CACNA1E: variants seen among roughly 807,000 people sequenced by gnomAD.
CACNA1E encodes voltage-dependent R-type calcium channel subunit alpha-1E.
Under a neutral mutation model 259.2 loss-of-function variants are expected in CACNA1E, and 40 were observed. That is an observed-to-expected ratio of 0.15 (90% CI 0.12 to 0.20). The LOEUF is 0.20. CACNA1E is among the 10% of genes least tolerant of loss of function. The pLI, the probability that CACNA1E is intolerant of heterozygous loss-of-function variation, is 1.00. For missense variants in CACNA1E, 1,874 were observed against 3,040.1 expected (o/e 0.62, Z 9.02); for synonymous variants, 1,104 against 1,138.5 (o/e 0.97, Z 0.61).
intron 2 of CACNA1E, among the ~76,000 whole-genome samples, chr1:181,452,661 T>C (rs1205140355): frequency 1.3e-5 from 2 of 152,344 alleles, no homozygotes; most frequent in Admixed American, 6.5e-5. Context: ...ACCTACTCTA[T>C]GCTGTCTTCA....
intron 2 of CACNA1E, among the ~76,000 whole-genome samples, chr1:181,440,913 C>T (rs777323294): frequency 2.2e-5 from 3 of 137,938 alleles, no homozygotes; most frequent in Middle Eastern, 3.8e-3. Flanking sequence ...CCTGGGAGGT[C>T]GAGGCTGCAG....
At chr1:181,520,659 A>G (rs544816429) in intron 3 of CACNA1E, among the ~76,000 whole-genome samples, 46 of 152,342 alleles carry the variant, frequency 3.0e-4, no homozygotes, top group African/African-American at 9.6e-4. Flanking sequence ...CATATCGCAC[A>G]TAGGATGTAT....
rs749655730 is a variant in CACNA1E, at chr1:181,756,955, G to T, written c.4158G>T (p.Glu1386Asp). The T allele has an allele frequency of 1.9e-6, 3 of 1,613,774 alleles. No individual in the cohort carries two copies. The highest frequency in any genetic ancestry group is 2.5e-6 in the Non-Finnish European group (3 of 1,179,656). The part of the protein sequence containing the change: ...QVLQHSVDVT[E>D]EDRGPSRSNR... Reference sequence around the variant, plus strand: ...TGCAGCACTCTGTAGATGTGACAGAGGAAGACCGAGGCCCAAGCCGCAGCA... The same window carrying T: ...TGCAGCACTCTGTAGATGTGACAGATGAAGACCGAGGCCCAAGCCGCAGCA... Residue 1386 changes from glutamate (E) to aspartate (D), a missense_variant, in exon 30 of 48, where the codon GAG becomes GAT. Glu to Asp is a conservative substitution (Grantham distance 45). This residue lies in a region of CACNA1E where 188 missense variants were observed against 540.6 expected (regional missense o/e 0.35). Coordinates refer to ENST00000367573, the MANE Select transcript of CACNA1E (RefSeq NM_001205293.3).
chr1:181,775,888 T>C (rs775188170), intron 37 of CACNA1E, among the ~76,000 whole-genome samples: 6 of 152,206 alleles, frequency 3.9e-5, no homozygotes, highest in Non-Finnish European at 8.8e-5. Context: ...GTCTACACTC[T>C]TTAGCTCAGT....
At chr1:181,518,651 T>C (rs1196445708) in intron 3 of CACNA1E, among the ~76,000 whole-genome samples, 1 of 152,180 alleles carries the variant, frequency 6.6e-6, no homozygotes, top group Non-Finnish European at 1.5e-5. Flanking sequence ...GTTGGGATTG[T>C]GCCTTGGGTG....
intron 2 of CACNA1E, among the ~76,000 whole-genome samples, chr1:181,439,738 A>T (rs1660331277): frequency 1.3e-5 from 2 of 152,238 alleles, no homozygotes; most frequent in Admixed American, 6.5e-5. Context: ...TTCCAAGAAC[A>T]TAACATGTCA....
intron 6 of CACNA1E, among the ~76,000 whole-genome samples, chr1:181,630,596 C>G (rs1446497666): frequency 3.3e-5 from 5 of 152,102 alleles, no homozygotes; most frequent in African/African-American, 1.2e-4. Context: ...CCTGAACACA[C>G]TCCAGGCACC....
At chr1:181,656,338 C>G (rs1420250058) in intron 7 of CACNA1E, among the ~76,000 whole-genome samples, 2 of 152,054 alleles carry the variant, frequency 1.3e-5, no homozygotes, top group African/African-American at 2.4e-5. Context: ...ATTGATGGTT[C>G]TGACCCTGTG....
At chr1:181,481,445 G>A (rs116406836), upstream of CACNA1E, among the ~76,000 whole-genome samples, 13 of 151,974 alleles carry the variant, frequency 8.6e-5, no homozygotes, top group Non-Finnish European at 1.8e-4. Context: ...ACACATACCC[G>A]TAGAAACACA....
intron 1 of CACNA1E, among the ~76,000 whole-genome samples, chr1:181,354,148 T>G (rs1001558815): frequency 1.1e-4 from 17 of 151,736 alleles, no homozygotes; most frequent in Admixed American, 6.6e-5. Context: ...AGAGGACTTT[T>G]TTTTTTTTTT....
At chr1:181,565,337 A>G (rs1649711935) in intron 3 of CACNA1E, among the ~76,000 whole-genome samples, 1 of 152,234 alleles carries the variant, frequency 6.6e-6, no homozygotes, top group South Asian at 2.1e-4. Flanking sequence ...TGGGAATTGC[A>G]GAAATAGGGC....
At chr1:181,440,962 G>C (rs12750538) in intron 2 of CACNA1E, among the ~76,000 whole-genome samples, 6 of 120,454 alleles carry the variant, frequency 5.0e-5, no homozygotes, top group Admixed American at 1.1e-4. Context: ...GCCTGGGTGA[G>C]AGAGCGAGAC....
intron 37 of CACNA1E, among the ~76,000 whole-genome samples, chr1:181,773,722 G>A (rs1659725195): frequency 6.6e-6 from 1 of 152,126 alleles, no homozygotes; most frequent in Non-Finnish European, 1.5e-5. Context: ...TCACTGCTAG[G>A]GTGAAATGGA....
At chr1:181,712,705 C>A (rs1423783936) in intron 8 of CACNA1E, among the ~76,000 whole-genome samples, 1 of 151,972 alleles carries the variant, frequency 6.6e-6, no homozygotes, top group Admixed American at 6.5e-5. Context: ...AGAATGGTAA[C>A]TCAGGCTTAC....
chr1:181,604,801 G>A (rs1364798079), intron 6 of CACNA1E, among the ~76,000 whole-genome samples: 2 of 152,112 alleles, frequency 1.3e-5, no homozygotes, highest in Non-Finnish European at 2.9e-5. Flanking sequence ...ATCCTCATAG[G>A]GTGGGAACTT....
intron 1 of CACNA1E, among the ~76,000 whole-genome samples, chr1:181,381,732 A>T (rs1187552106): frequency 6.6e-6 from 1 of 152,228 alleles, no homozygotes; most frequent in Non-Finnish European, 1.5e-5. Flanking sequence ...TTAATTCTAT[A>T]CAAGGAATTA....
At chr1:181,779,572 G>A (rs528084692) in intron 38 of CACNA1E, 149 of 425,988 alleles carry the variant, frequency 3.5e-4, no homozygotes, top group African/African-American at 1.4e-3. Flanking sequence ...ATGATCTGCC[G>A]TGGGATGCAA....
intron 3 of CACNA1E, among the ~76,000 whole-genome samples, chr1:181,553,886 G>A (rs1648446864): frequency 6.6e-6 from 1 of 152,160 alleles, no homozygotes; most frequent in Non-Finnish European, 1.5e-5. Flanking sequence ...TTTTGATATA[G>A]TCACTGGTAT....
chr1:181,617,416 G>T (rs927774411), intron 6 of CACNA1E, among the ~76,000 whole-genome samples: 1 of 152,132 alleles, frequency 6.6e-6, no homozygotes, highest in Non-Finnish European at 1.5e-5. Context: ...GAGCACTGAG[G>T]TCTTTGTCAA....
Sources: gnomAD v4.1 joint callset for allele counts (sites outside exome capture counted in the v4.1 genomes callset) on GRCh38, gnomAD v4.1.1 for gene constraint, gnomAD v4.1.1 regional missense constraint, MANE v1.5 for transcripts, NCBI Gene and HGNC (gene_info 2026-07-23, HGNC 2026-07-21) for gene names.